Variants in MYH11 observed in about 807,000 individuals in gnomAD.
The protein encoded by MYH11 is myosin-11.
In MYH11, 80 loss-of-function variants were observed where a neutral mutation model predicts 246.6. The observed-to-expected ratio is 0.32, with a 90% confidence interval of 0.27 to 0.39. The LOEUF is 0.39. Among genes scored for constraint, MYH11 ranks in the 10% least tolerant of loss-of-function variants. The probability of loss-of-function intolerance (pLI) is 1.00; values close to 1 mark genes in which losing one functional copy is unlikely to be tolerated. For missense variants in MYH11, 2,158 were observed against 2,546.8 expected (o/e 0.85, Z 3.29); for synonymous variants, 1,071 against 1,015.5 (o/e 1.05, Z -1.04).
chr16:15,742,075 G>A, intron 20 of MYH11, 184 bp from the exon 21 acceptor site: 1 of 856,114 alleles, frequency 1.2e-6, no homozygotes. Flanking sequence ...GCATCCAGTG[G>A]GTAGAGGCCA....
intron 4 of MYH11, chr16:15,791,534 C>T (rs1226330212): frequency 6.6e-6 from 1 of 152,236 alleles, no homozygotes; most frequent in Non-Finnish European, 1.5e-5. Flanking sequence ...TAATGGGCTC[C>T]AGGACCAGGT....
chr16:15,704,232 A>G, intron 40 of MYH11, 109 bp from the exon 41 acceptor site: 1 of 1,349,806 alleles, frequency 7.4e-7, no homozygotes, highest in Non-Finnish European at 1.0e-6. Context: ...TGCAATATAA[A>G]TTTTTTTTAT....
intron 1 of MYH11, among the ~76,000 whole-genome samples, chr16:15,852,684 T>A (rs901754083): frequency 1.8e-4 from 28 of 152,156 alleles, no homozygotes; most frequent in African/African-American, 6.8e-4. Context: ...TAATTTTAGA[T>A]ACGCATGCCC....
At position 15,757,847 on chromosome 16, in the gene MYH11, T is replaced by G. The variant is rs371336827; in HGVS notation, c.1555A>C (p.Ile519Leu). Residue 519 changes from isoleucine (I) to leucine (L), a missense_variant, in exon 13 of 41, where the codon ATC becomes CTC. Ile to Leu is a conservative substitution (Grantham distance 5). Transcript: ENST00000300036. ...IDFGLDLQPC[I>L]ELIERPNNPP... ...CTCACCGGTCGCTCGATGAGCTCGATGCAGGGCTGTAGGTCCAGCCCAAAG... is the reference window on the plus strand; with the variant it reads ...CTCACCGGTCGCTCGATGAGCTCGAGGCAGGGCTGTAGGTCCAGCCCAAAG... 1 of 1,614,044 alleles carries G rather than the reference T, an allele frequency of 6.2e-7. No individual in the cohort carries two copies. Among genetic ancestry groups the G allele is most frequent in the African/African-American group, 1.3e-5 (1 of 74,930 alleles).
intron 37 of MYH11, chr16:15,717,615 T>G (rs2040232031): frequency 1.8e-6 from 1 of 569,508 alleles, no homozygotes; most frequent in Non-Finnish European, 3.1e-6. Context: ...GCCAACATGG[T>G]GAAACCCCGT....
chr16:15,722,078 G>A (rs562041668), intron 31 of MYH11, among the ~76,000 whole-genome samples: 64 of 152,074 alleles, frequency 4.2e-4, no homozygotes, highest in Non-Finnish European at 5.7e-4. Flanking sequence ...GGCTGGTCTC[G>A]AACTCCTGAC....
At position 15,741,757 on chromosome 16, in the gene MYH11, T is replaced by A. The variant is rs1480678047; in HGVS notation, c.2652+3A>T. ...AACCCCAGCCATGCATCCATACAGGTACCTGCGAGTGCTTCTGTTCCAGCT... is the reference window on the plus strand; with the variant it reads ...AACCCCAGCCATGCATCCATACAGGAACCTGCGAGTGCTTCTGTTCCAGCT... On this transcript the variant is annotated splice_donor_region_variant and intron_variant, in intron 21 of 40. Transcript: ENST00000300036. The A allele has an allele frequency of 3.7e-6, 6 of 1,614,158 alleles. No homozygotes were observed. The East Asian group carries it at 1.3e-4, about 36-fold the overall frequency.
chr16:15,786,864 A>T, intron 4 of MYH11, 132 bp from the exon 5 acceptor site: 1 of 889,594 alleles, frequency 1.1e-6, no homozygotes, highest in Non-Finnish European at 1.8e-6. Flanking sequence ...CCAGAGGGGA[A>T]GTAACTTGCC....
chr16:15,814,422 G>A (rs138525574), intron 3 of MYH11, among the ~76,000 whole-genome samples: 3,548 of 150,668 alleles, frequency 0.024, 119 homozygotes, highest in Admixed American at 0.098. Flanking sequence ...GTGTGGTGGC[G>A]GATGCCTGTA....
chr16:15,823,559 G>A lies in MYH11; in HGVS notation c.346-148C>T, dbSNP rs1465315713. On this transcript the variant is annotated intron_variant, in intron 2 of 40. Transcript: ENST00000300036. ...TGGGCCTCACTGATATTCCAGGTACGTGGGAAGAGGAGAAAGGGCGAGAGT... is the reference window on the plus strand; with the variant it reads ...TGGGCCTCACTGATATTCCAGGTACATGGGAAGAGGAGAAAGGGCGAGAGT... 23 of 1,016,920 alleles carry A rather than the reference G, an allele frequency of 2.3e-5. No individual in the cohort carries two copies. Among genetic ancestry groups the A allele is most frequent in the Middle Eastern group, 2.1e-4 (1 of 4,816 alleles). The allele number at this position is 1,016,920 out of a possible 1,614,324, so 63.0% of individuals were successfully genotyped here.
chr16:15,707,743 G>A (rs534542370), intron 40 of MYH11, among the ~76,000 whole-genome samples: 11 of 152,262 alleles, frequency 7.2e-5, no homozygotes, highest in Middle Eastern at 3.4e-3. Flanking sequence ...AGGCCAAGGC[G>A]CGCGGATCAC....
chr16:15,855,646 T>G (rs995574310), intron 1 of MYH11, among the ~76,000 whole-genome samples: 1 of 152,212 alleles, frequency 6.6e-6, no homozygotes, highest in Non-Finnish European at 1.5e-5. Flanking sequence ...GGCACTGAAG[T>G]GTTCCATCAA....
At position 15,724,151 on chromosome 16, in the gene MYH11, C is replaced by G; in HGVS notation, c.4365+10G>C. 6.2e-7 allele frequency: 1 copy of G among 1,612,756 alleles called. No individual in the cohort carries two copies. Among genetic ancestry groups the G allele is most frequent in the Non-Finnish European group, 8.5e-7 (1 of 1,180,032 alleles). On this transcript the variant is annotated intron_variant, in intron 31 of 40. Transcript: ENST00000300036. ...CATGGCCAGAGTGGGGGACACCCCA[C>G]GCCCTCTACCTGATCAAATTTCCTC... is the stretch of plus-strand genomic sequence containing the variant.
In MYH11 at chr16:15,740,079, A is replaced by G. The variant is rs539651592; in HGVS notation, c.2969T>C (p.Met990Thr). The G allele has an allele frequency of 6.2e-7, 1 of 1,614,206 alleles. No homozygotes were observed. The highest frequency in any genetic ancestry group is 1.3e-5 in the African/African-American group (1 of 75,060). ...IKKLEDEILV[M>T]DDQNNKLSKE... ...TGATAGTTTATTGTTCTGATCATCC[A>G]TGACCAGGATCTCATCCTCCAGTTT... The change falls in exon 23 of 41, where the codon ATG (methionine) becomes ACG (threonine). Residue 990 changes from methionine to threonine, a missense_variant. Transcript: ENST00000300036.
intron 3 of MYH11, among the ~76,000 whole-genome samples, chr16:15,809,604 A>T (rs771719796): frequency 1.3e-4 from 20 of 151,884 alleles, no homozygotes; most frequent in Non-Finnish European, 2.1e-4. Flanking sequence ...ACACCGAGGG[A>T]GGTGGCTGAC....
rs147848256 is a variant in MYH11, at chr16:15,737,533, T to C, written c.3209A>G (p.Gln1070Arg). The stretch of plus-strand genomic sequence containing the variant: ...GATCTGCGCCTGGAGGTCAGCGATC[T>C]GCTCGTGGAAGTCGCTGGCATCACC... ...LEGDASDFHE[Q>R]IADLQAQIAE... The change falls in exon 25 of 41, where the codon CAG becomes CGG. Residue 1070 changes from glutamine (Q) to arginine (R), a missense_variant. Physicochemically the swap from Gln to Arg is conservative, Grantham distance 43. Coordinates refer to ENST00000300036, the MANE Select transcript of MYH11 (RefSeq NM_002474.3). The C allele has an allele frequency of 1.7e-5, 27 of 1,613,960 alleles. No homozygotes were observed. The African/African-American group carries it at 3.6e-4, about 22-fold the overall frequency.
chr16:15,755,759 C>T (rs1596786491), intron 14 of MYH11, among the ~76,000 whole-genome samples: 1 of 152,254 alleles, frequency 6.6e-6, no homozygotes, highest in African/African-American at 2.4e-5. Flanking sequence ...ATGGCGAAAC[C>T]CTTCTCTACT....
At chr16:15,777,097 G>GCAGACATACACACACACACACACACA (rs750248562) in intron 7 of MYH11, among the ~76,000 whole-genome samples, 1 of 145,550 alleles carries the variant, frequency 6.9e-6, no homozygotes, top group East Asian at 1.9e-4. Context: ...GTATACACAC[G>GCAGACATACACACACACACACACACA]CACACATACA....
intron 8 of MYH11, among the ~76,000 whole-genome samples, chr16:15,774,626 A>G (rs1014030026): frequency 1.3e-5 from 2 of 152,164 alleles, no homozygotes; most frequent in South Asian, 2.1e-4. Context: ...GTCTCACTCT[A>G]TCGCCTAGGC....
Sources: allele counts gnomAD v4.1 joint callset (sites outside exome capture counted in the v4.1 genomes callset), GRCh38; gene constraint gnomAD v4.1.1; transcripts MANE v1.5; gene names NCBI Gene and HGNC (gene_info 2026-07-23, HGNC 2026-07-21).